Variants in ANO10 observed in about 807,000 individuals in gnomAD.
The protein encoded by ANO10 is anoctamin-10.
In ANO10, 77 loss-of-function variants were observed where a neutral mutation model predicts 74.7. That is an observed-to-expected ratio of 1.03 (90% CI 0.86 to 1.25). The LOEUF is 1.25. Among genes scored for constraint, ANO10 ranks in the 50% most tolerant of loss-of-function variants. ANO10 has a pLI of 0.00. For missense variants in ANO10, 721 were observed against 778.1 expected (o/e 0.93, Z 0.87); for synonymous variants, 279 against 284.9 (o/e 0.98, Z 0.21).
intron 11 of ANO10, among the ~76,000 whole-genome samples, chr3:43,483,455 A>G (rs2076347270): frequency 6.6e-6 from 1 of 152,236 alleles, no homozygotes; most frequent in African/African-American, 2.4e-5. Context: ...CCTCTGGGGT[A>G]ACACGTAACA....
chr3:43,385,547 G>A (rs188417637), intron 12 of ANO10, among the ~76,000 whole-genome samples: 28 of 152,156 alleles, frequency 1.8e-4, no homozygotes, highest in Non-Finnish European at 3.5e-4. Flanking sequence ...AGAAAATGTG[G>A]TGTATATACC....
chr3:43,567,758 G>A, intron 7 of ANO10, among the ~76,000 whole-genome samples: 1 of 151,762 alleles, frequency 6.6e-6, no homozygotes, highest in Non-Finnish European at 1.5e-5. Context: ...ATCGAGACTA[G>A]GAAGAAACTG....
intron 11 of ANO10, among the ~76,000 whole-genome samples, chr3:43,525,173 C>CAGAATGGATTAGAGAG (rs2078137436): frequency 6.6e-6 from 1 of 152,160 alleles, no homozygotes; most frequent in African/African-American, 2.4e-5. Context: ...GCCTGTGCAG[C>CAGAATGGATTAGAGAG]CAGGTCATCT....
intron 5 of ANO10, 105 bp from the exon 6 acceptor site, chr3:43,577,366 C>T (rs1361917654): frequency 2.7e-6 from 3 of 1,096,424 alleles, no homozygotes; most frequent in African/African-American, 3.1e-5. Flanking sequence ...GATCATTCAA[C>T]CCTCACTTCC....
At chr3:43,410,556 T>C (rs901096287) in intron 12 of ANO10, among the ~76,000 whole-genome samples, 3 of 152,212 alleles carry the variant, frequency 2.0e-5, no homozygotes, top group African/African-American at 7.2e-5. Context: ...AATGGAACCT[T>C]TTATGACTAC....
intron 1 of ANO10, among the ~76,000 whole-genome samples, chr3:43,678,338 T>C (rs2084149459): frequency 6.6e-6 from 1 of 152,180 alleles, no homozygotes; most frequent in Non-Finnish European, 1.5e-5. Context: ...CATATTGTCT[T>C]ATCCCCACTT....
intron 12 of ANO10, among the ~76,000 whole-genome samples, chr3:43,368,557 C>G (rs1314511951): frequency 6.6e-6 from 1 of 152,176 alleles, no homozygotes; most frequent in Non-Finnish European, 1.5e-5. Flanking sequence ...TCAGGTCTTC[C>G]CACAAGCCCA....
In ANO10 at chr3:43,517,703, A is replaced by G. The variant is rs2077768923; in HGVS notation, c.1797+32017T>C. ...TGGATTTTTGTTCTTTAAGCTACCC[A>G]GTCTGTGTTATTGTGCAAACTAATG... On this transcript the variant is annotated intron_variant, in intron 11 of 12. Coordinates refer to ENST00000292246, the MANE Select transcript of ANO10 (RefSeq NM_018075.5). Among the ~76,000 whole-genome samples the G allele has an allele frequency of 3.3e-5, 5 of 152,288 alleles. No individual in the cohort carries two copies. The South Asian group carries it at 1.0e-3, about 32-fold the overall frequency.
intron 1 of ANO10, among the ~76,000 whole-genome samples, chr3:43,660,885 C>A (rs1003852027): frequency 1.3e-5 from 2 of 152,108 alleles, no homozygotes. Flanking sequence ...ACCCAGGAGA[C>A]GGAGGTTGCG....
At chr3:43,534,899 T>C (rs1359235347) in intron 11 of ANO10, among the ~76,000 whole-genome samples, 1 of 152,150 alleles carries the variant, frequency 6.6e-6, no homozygotes, top group Non-Finnish European at 1.5e-5. Flanking sequence ...AGATGACTTG[T>C]ACCAGAATGT....
In ANO10 at chr3:43,637,337, G is replaced by A. The variant is rs979242396; in HGVS notation, c.-11-31474C>T. On this transcript the variant is annotated intron_variant, in intron 1 of 3. Coordinates refer to the ANO10 transcript ENST00000413397. ...ACAAAAATTAGCTGGGCTTGGGGGC[G>A]CATGCCTGTAATCCCAGCCACTCGG... is the stretch of plus-strand genomic sequence containing the variant. 3.3e-5 allele frequency among the ~76,000 whole-genome samples: 5 copies of A among 151,988 alleles called. No individual in the cohort carries two copies. In the South Asian group the frequency reaches 6.2e-4, roughly 19 times the overall value.
intron 1 of ANO10, among the ~76,000 whole-genome samples, chr3:43,678,649 A>C (rs1404588682): frequency 6.6e-6 from 1 of 152,146 alleles, no homozygotes; most frequent in African/African-American, 2.4e-5. Flanking sequence ...AGAACTGCTC[A>C]CTTGGGGAGC....
Position 43,577,290 on chromosome 3 carries a change from G to C in ANO10, c.593-29C>G, listed in dbSNP as rs566921889. On this transcript the variant is annotated intron_variant, in intron 5 of 12. Coordinates refer to ENST00000292246, the MANE Select transcript of ANO10 (RefSeq NM_018075.5). Reference sequence around the variant, plus strand: ...TAGTGGAAACAAAGAAAGAACATAAGTATAGACTACCAAACACTTTAAAAA... The same window carrying C: ...TAGTGGAAACAAAGAAAGAACATAACTATAGACTACCAAACACTTTAAAAA... The C allele has an allele frequency of 3.8e-6, 6 of 1,592,366 alleles. No homozygotes were observed. The South Asian group carries it at 4.4e-5, about 12-fold the overall frequency.
In ANO10 at chr3:43,464,745, AAAG is replaced by A. The variant is rs535836173; in HGVS notation, c.1798-32021_1798-32019del. On this transcript the variant is annotated intron_variant, in intron 11 of 12. Transcript: ENST00000292246. ...ATATAATTCAACACATTAACAGAAT[AAAG>A]AAGAACAATGATCCATCATATCAAT... 1.4e-3 allele frequency among the ~76,000 whole-genome samples: 208 copies of A among 152,330 alleles called. 1 individual carries two copies. Among genetic ancestry groups the A allele is most frequent in the African/African-American group, 4.8e-3 (200 of 41,572 alleles).
intron 1 of ANO10, chr3:43,617,956 A>G (rs2083201783): frequency 6.6e-6 from 1 of 152,230 alleles, no homozygotes. Flanking sequence ...TGCAATTTTA[A>G]TGGCCAGGCT....
intron 12 of ANO10, among the ~76,000 whole-genome samples, chr3:43,399,785 G>C (rs1042389194): frequency 1.3e-5 from 2 of 152,146 alleles, no homozygotes; most frequent in African/African-American, 4.8e-5. Context: ...CACAGATGTA[G>C]CATCTTTCAT....
intron 11 of ANO10, among the ~76,000 whole-genome samples, chr3:43,489,267 A>G (rs1316717951): frequency 6.6e-6 from 1 of 151,846 alleles, no homozygotes; most frequent in Non-Finnish European, 1.5e-5. Flanking sequence ...ACATGTATAC[A>G]TATGTAACTA....
intron 12 of ANO10, among the ~76,000 whole-genome samples, chr3:43,406,707 A>T (rs1243844909): frequency 6.6e-6 from 1 of 152,204 alleles, no homozygotes; most frequent in Non-Finnish European, 1.5e-5. Context: ...GAAAGTTAAA[A>T]TTAGTTCACA....
At position 43,575,927 on chromosome 3, in the gene ANO10, G is replaced by A. The variant is rs891777537; in HGVS notation, c.1162+765C>T. Among the ~76,000 whole-genome samples the A allele has an allele frequency of 5.9e-5, 9 of 152,328 alleles. No homozygotes were observed. In the East Asian group the frequency reaches 7.7e-4, roughly 13 times the overall value. On this transcript the variant is annotated intron_variant, in intron 6 of 12. Transcript: ENST00000292246. ...GCTGGGATTCCAGGCGTGAGCCACT[G>A]CGTCTGGCCCCTAAAACATATTTAT...
Sources: allele counts gnomAD v4.1 joint callset (sites outside exome capture counted in the v4.1 genomes callset), GRCh38; gene constraint gnomAD v4.1.1; transcripts MANE v1.5; gene names NCBI Gene and HGNC (gene_info 2026-07-23, HGNC 2026-07-21).